The following VTCN1 variants were observed in gnomAD, a reference collection of about 807,000 sequenced individuals.
VTCN1 encodes the protein V-set domain containing T cell activation inhibitor 1.
Under a neutral mutation model 26.5 loss-of-function variants are expected in VTCN1, and 26 were observed. The ratio of observed to expected loss-of-function variants is 0.98; its 90% CI spans 0.72 to 1.36. The LOEUF is 1.36. VTCN1 is among the 40% of genes most tolerant of loss of function. VTCN1 has a pLI of 0.00. For synonymous variants in VTCN1, 116 were observed against 130.7 expected, an observed-to-expected ratio of 0.89 and a Z score of 0.77; for missense variants, 298 against 337.7, an observed-to-expected ratio of 0.88 and a Z score of 0.92.
chr1:117,188,854 G>A (rs956693008), intron 1 of VTCN1, among the ~76,000 whole-genome samples: 3 of 152,124 alleles, frequency 2.0e-5, no homozygotes, highest in Non-Finnish European at 2.9e-5. Flanking sequence ...ATTTTAGGTC[G>A]TTTTATGTGA....
rs1407016935 is a variant in VTCN1 at position 117,153,075 on chromosome 1, G to A, written c.724+16C>T. ...CTTTCCCCAGTAAATCCATACAAAAGCATGCAGGAACCCACCTGTCACTTT... is the reference window on the plus strand; with the variant it reads ...CTTTCCCCAGTAAATCCATACAAAAACATGCAGGAACCCACCTGTCACTTT... On this transcript the variant is annotated intron_variant, in intron 4 of 5. Transcript: ENST00000369458. 6.3e-7 allele frequency: 1 copy of A among 1,597,500 alleles called. No individual in the cohort carries two copies. Among genetic ancestry groups the A allele is most frequent in the South Asian group, 1.1e-5 (1 of 89,772 alleles).
intron 1 of VTCN1, among the ~76,000 whole-genome samples, chr1:117,199,736 A>G (rs2101598300): frequency 6.6e-6 from 1 of 151,530 alleles, no homozygotes; most frequent in South Asian, 2.1e-4. Context: ...TCTGGGTTCA[A>G]GCGATTCTCC....
chr1:117,199,548 A>G (rs1312161018), intron 1 of VTCN1, among the ~76,000 whole-genome samples: 1 of 150,098 alleles, frequency 6.7e-6, no homozygotes, highest in Non-Finnish European at 1.5e-5. Context: ...CTGGTCTCGA[A>G]CTCCTGACCT....
At chr1:117,184,995 A>G (rs946180230) in intron 1 of VTCN1, among the ~76,000 whole-genome samples, 3 of 152,196 alleles carry the variant, frequency 2.0e-5, no homozygotes, top group African/African-American at 7.2e-5. Context: ...CAGAGGTAAG[A>G]AAAGGAACAA....
intron 1 of VTCN1, among the ~76,000 whole-genome samples, chr1:117,205,313 C>A (rs947545970): frequency 6.6e-6 from 1 of 151,894 alleles, no homozygotes; most frequent in African/African-American, 2.4e-5. Context: ...TACCACCACA[C>A]CTTGTTGATT....
intron 3 of VTCN1, among the ~76,000 whole-genome samples, chr1:117,154,050 T>C (rs575043179): frequency 7.4e-4 from 112 of 152,262 alleles, no homozygotes; most frequent in African/African-American, 2.4e-3. Context: ...GGACTTTTTA[T>C]TGGGGTAAAA....
intron 2 of VTCN1, among the ~76,000 whole-genome samples, chr1:117,157,517 TACTC>T (rs1395595585): frequency 2.0e-5 from 3 of 152,102 alleles, no homozygotes; most frequent in Admixed American, 6.6e-5. Flanking sequence ...TCATTAGACT[TACTC>T]ACTACCACAA....
chr1:117,172,842 A>G (rs1353904871), intron 1 of VTCN1, among the ~76,000 whole-genome samples: 1 of 151,340 alleles, frequency 6.6e-6, no homozygotes, highest in East Asian at 2.0e-4. Flanking sequence ...CTCTGTATTT[A>G]GCTAAAGGAT....
chr1:117,153,589 T>G (rs1651916020), intron 3 of VTCN1, among the ~76,000 whole-genome samples: 1 of 152,042 alleles, frequency 6.6e-6, no homozygotes, highest in South Asian at 2.1e-4. Flanking sequence ...TCACAACCCT[T>G]TGGCCAATCA....
chr1:117,185,476 A>G (rs1463755151), intron 1 of VTCN1, among the ~76,000 whole-genome samples: 1 of 152,162 alleles, frequency 6.6e-6, no homozygotes, highest in Non-Finnish European at 1.5e-5. Flanking sequence ...TGAGCCCCCC[A>G]ACCACCTGAA....
intron 1 of VTCN1, among the ~76,000 whole-genome samples, chr1:117,197,173 A>G (rs1351131251): frequency 6.6e-6 from 1 of 152,180 alleles, no homozygotes; most frequent in African/African-American, 2.4e-5. Context: ...TATTAGTGAA[A>G]CTGTAAGTAC....
intron 1 of VTCN1, among the ~76,000 whole-genome samples, chr1:117,191,074 C>G (rs1648220772): frequency 6.6e-6 from 1 of 152,026 alleles, no homozygotes; most frequent in East Asian, 1.9e-4. Context: ...GAAACAAAAA[C>G]CATAAAGAAG....
chr1:117,157,100 T>TAG, intron 2 of VTCN1, 179 bp from the exon 3 acceptor site: 1 of 681,962 alleles, frequency 1.5e-6, no homozygotes, highest in Non-Finnish European at 2.2e-6. Context: ...TTGATATATA[T>TAG]ATATATATAT....
chr1:117,205,517 T>C (rs1649014546), intron 1 of VTCN1, among the ~76,000 whole-genome samples: 1 of 152,122 alleles, frequency 6.6e-6, no homozygotes, highest in Admixed American at 6.6e-5. Context: ...CTCATTCATC[T>C]AGAGCAGCTG....
In VTCN1 at chr1:117,170,280, T is replaced by G. The variant is rs988467756; in HGVS notation, c.33-109A>C. Reference sequence around the variant, plus strand: ...TGGATAAGATGAGTTACATAAAGCATCTCAACTTTTTCTTCCACATAAGCT... The same window carrying G: ...TGGATAAGATGAGTTACATAAAGCAGCTCAACTTTTTCTTCCACATAAGCT... On this transcript the variant is annotated intron_variant, in intron 1 of 5. Transcript: ENST00000369458. The G allele has an allele frequency of 3.7e-6, 4 of 1,074,920 alleles. No homozygotes were observed. The African/African-American group carries it at 6.2e-5, about 17-fold the overall frequency. The allele number at this position is 1,074,920 out of a possible 1,614,324, so 66.6% of individuals were successfully genotyped here.
rs958499657 is a variant in VTCN1, at chr1:117,209,711, G to A, written c.32+1113C>T. Among the ~76,000 whole-genome samples, 6 of 152,320 alleles carry A rather than the reference G, an allele frequency of 3.9e-5. No homozygotes were observed. The East Asian group carries it at 1.2e-3, about 29-fold the overall frequency. ...AGTGCTGTAGCCAGGCACAGGGGTG[G>A]GGGCAGAAGTGCCGCTGCAGCCACC... On this transcript the variant is annotated intron_variant, in intron 1 of 5. Transcript: ENST00000369458.
At position 117,153,009 on chromosome 1, in the gene VTCN1, T is replaced by C. The variant is rs558668590; in HGVS notation, c.724+82A>G. 1.3e-4 allele frequency: 201 copies of C among 1,494,578 alleles called. 2 individuals are homozygous for C. In the South Asian group the frequency reaches 2.4e-3, roughly 18 times the overall value. The allele number at this position is 1,494,578 out of a possible 1,614,324, so 92.6% of individuals were successfully genotyped here. A position where few individuals can be genotyped will look rare whatever the true frequency, so the allele number is the denominator to read the frequency against. On this transcript the variant is annotated intron_variant, in intron 4 of 5. Coordinates refer to ENST00000369458, the MANE Select transcript of VTCN1 (RefSeq NM_024626.4). ...CTCTAGAGATTTTTGTGCCTTGGTA[T>C]ATATCTATTAATGAAGTTAAATTTT...
At chr1:117,172,131 T>C (rs938207325) in intron 1 of VTCN1, among the ~76,000 whole-genome samples, 4 of 151,972 alleles carry the variant, frequency 2.6e-5, no homozygotes, top group African/African-American at 9.7e-5. Flanking sequence ...TGTTACTCAA[T>C]AGGCAGGACA....
intron 1 of VTCN1, among the ~76,000 whole-genome samples, chr1:117,182,118 T>C (rs890861792): frequency 6.6e-6 from 1 of 152,202 alleles, no homozygotes; most frequent in African/African-American, 2.4e-5. Flanking sequence ...AGTACGTCTA[T>C]TGCCCTCAGA....
Sources: allele counts gnomAD v4.1 joint callset (sites outside exome capture counted in the v4.1 genomes callset), GRCh38; gene constraint gnomAD v4.1.1; transcripts MANE v1.5; gene names NCBI Gene and HGNC (gene_info 2026-07-23, HGNC 2026-07-21).